The following CRTC2 variants were observed in gnomAD, a reference collection of about 807,000 sequenced individuals.
The protein encoded by CRTC2 is CREB-regulated transcription coactivator 2.
Under a neutral mutation model 70.9 loss-of-function variants are expected in CRTC2, and 25 were observed. That is an observed-to-expected ratio of 0.35 (90% CI 0.26 to 0.49). The LOEUF is 0.49. CRTC2 is among the 20% of genes least tolerant of loss of function. CRTC2 has a pLI of 0.98. For synonymous variants in CRTC2, 330 were observed against 364.1 expected (o/e 0.91, Z 1.07); for missense variants, 737 against 882.6 (o/e 0.83, Z 2.09).
intron 6 of CRTC2, 77 bp from the exon 7 acceptor site, chr1:153,952,911 T>C (rs1680433566): frequency 2.6e-6 from 4 of 1,553,736 alleles, no homozygotes; most frequent in Admixed American, 3.3e-5. Context: ...AGGCCGGGTA[T>C]GGTGGCTCAT....
chr1:153,949,472 A>G, intron 11 of CRTC2, 88 bp from the exon 12 acceptor site: 1 of 1,380,152 alleles, frequency 7.2e-7, no homozygotes, highest in East Asian at 2.4e-5. Context: ...TTTAGCTACA[A>G]CCATTCCCAA....
chr1:153,956,889 G>A (rs12117078), intron 1 of CRTC2, among the ~76,000 whole-genome samples: 3 of 152,008 alleles, frequency 2.0e-5, no homozygotes, highest in Non-Finnish European at 4.4e-5. Context: ...TTTGAGTTTC[G>A]CACAGCCTTT....
chr1:153,947,980 G>T lies in CRTC2; in HGVS notation c.*129C>A. 4.2e-6 allele frequency: 4 copies of T among 949,154 alleles called. No individual in the cohort carries two copies. The highest frequency in any genetic ancestry group is 6.5e-6 in the Non-Finnish European group (4 of 617,548). 58.8% of individuals were successfully genotyped at this position (949,154 alleles called of 1,614,324 possible). ...AAACCCCTTGCTTTTTCTCATTCTT[G>T]GCATCCTTCATTCATGCTAGAAAGA... On this transcript the variant is annotated 3_prime_UTR_variant, in exon 14 of 14. Coordinates refer to ENST00000368633, the MANE Select transcript of CRTC2 (RefSeq NM_181715.3).
chr1:153,958,285 C>T, intron 1 of CRTC2, 60 bp downstream of exon 1: 2 of 1,567,610 alleles, frequency 1.3e-6, no homozygotes, highest in Non-Finnish European at 1.7e-6. Flanking sequence ...CGCCCCGCCT[C>T]TCCGGTCTCC....
At chr1:153,949,024 CCATT>C (rs1680178649) in intron 12 of CRTC2, 87 bp downstream of exon 12, 1 of 1,396,446 alleles carries the variant, frequency 7.2e-7, no homozygotes. Context: ...CTAGATCTCC[CCATT>C]CACAGTGCAC....
intron 12 of CRTC2, 92 bp from the exon 13 acceptor site, chr1:153,948,736 T>A (rs1680159389): frequency 7.2e-7 from 1 of 1,396,844 alleles, no homozygotes; most frequent in Admixed American, 1.8e-5. Flanking sequence ...CCAGCAACCT[T>A]CATCCACCCC....
chr1:153,954,722 C>G (rs567836203), intron 3 of CRTC2, 151 bp downstream of exon 3: 1 of 682,086 alleles, frequency 1.5e-6, no homozygotes, highest in East Asian at 2.7e-5. Context: ...GGTGCTGACG[C>G]AGGGGCTATG....
chr1:153,956,624 G>A (rs1318735064), intron 1 of CRTC2, among the ~76,000 whole-genome samples: 1 of 152,028 alleles, frequency 6.6e-6, no homozygotes, highest in Non-Finnish European at 1.5e-5. Context: ...GACCACTTGA[G>A]GTCTCATATA....
intron 4 of CRTC2, among the ~76,000 whole-genome samples, chr1:153,953,827 G>C (rs537206507): frequency 1.2e-4 from 19 of 152,294 alleles, no homozygotes; most frequent in Non-Finnish European, 1.8e-4. Flanking sequence ...AGCTGAATGG[G>C]AATCTTGGAG....
intron 11 of CRTC2, 127 bp downstream of exon 11, chr1:153,951,133 G>T (rs1021116053): frequency 9.9e-7 from 1 of 1,013,004 alleles, no homozygotes; most frequent in Non-Finnish European, 1.5e-6. Flanking sequence ...TGGGGCAGGC[G>T]GAGGACAGAG....
intron 2 of CRTC2, 28 bp from the exon 3 acceptor site, chr1:153,955,017 G>C: frequency 6.2e-7 from 1 of 1,613,176 alleles, no homozygotes; most frequent in Non-Finnish European, 8.5e-7. Flanking sequence ...AGTCAGCAGA[G>C]GAAGCAGCCT....
At chr1:153,958,043 T>C (rs1310102489) in intron 1 of CRTC2, 4 of 1,282,630 alleles carry the variant, frequency 3.1e-6, no homozygotes, top group South Asian at 1.7e-5. Flanking sequence ...CCGTCAGGGA[T>C]GCACAAGGAC....
chr1:153,954,964 G>T lies in CRTC2; in HGVS notation c.281C>A (p.Ser94Ter). 6.2e-7 allele frequency: 1 copy of T among 1,613,962 alleles called. No homozygotes were observed. The highest frequency in any genetic ancestry group is 8.5e-7 in the Non-Finnish European group (1 of 1,179,816). ...CCCATGGTGCCGAGTGCTCCGAGAT[G>T]AATCCAAAGGTGAGTGGAGGGGGCT... ...FQSPLHSPLD[S>*]SRSTRHHGLV... Residue 94 changes from serine (S) to a stop codon, truncating the protein, a stop_gained, in exon 3 of 14, where the codon TCA becomes TAA. Coordinates refer to ENST00000368633, the MANE Select transcript of CRTC2 (RefSeq NM_181715.3). LOFTEE classifies it high-confidence loss of function.
chr1:153,949,525 G>C (rs768056579), intron 11 of CRTC2, 141 bp from the exon 12 acceptor site: 25 of 903,878 alleles, frequency 2.8e-5, no homozygotes, highest in Non-Finnish European at 4.1e-5. Context: ...GCATCCCTGG[G>C]GTTGAGTGCA....
At position 153,958,456 on chromosome 1, in the gene CRTC2, G is replaced by A. The variant is rs146574814; in HGVS notation, c.42C>T (p.Ala14=). 176 of 1,613,172 alleles carry A rather than the reference G, an allele frequency of 1.1e-4. No individual in the cohort carries two copies. The highest frequency in any genetic ancestry group is 1.4e-4 in the Non-Finnish European group (168 of 1,179,728). ...TAAATTTGCGCGGATTGGAAGCCGA[G>A]GCCGTGGCCGAACCAGGCCCGTTCG... ...SGANGPGSAT[A]SASNPRKFSE... is the part of the protein sequence containing the mutation. Residue 14 remains alanine, a synonymous_variant, in exon 1 of 14, where the codon GCC becomes GCT. Transcript: ENST00000368633.
Position 153,948,647 on chromosome 1 carries a change from A to G in CRTC2, c.1675-3T>C, listed in dbSNP as rs367671975. The G allele has an allele frequency of 4.7e-5, 74 of 1,576,668 alleles. No homozygotes were observed. The African/African-American group carries it at 9.3e-4, about 20-fold the overall frequency. On this transcript the variant is annotated splice_polypyrimidine_tract_variant and splice_region_variant and intron_variant, in intron 12 of 13. Transcript: ENST00000368633. ...CTCTCCATGCTGAACTGCTCCAGCT[A>G]TAGACATACAGACAAATCTTTAGGA...
In CRTC2 at chr1:153,952,794, G is replaced by A; in HGVS notation, c.637+11C>T. ...TGGCATTCAGTACCCACAGCAGTGA[G>A]GAACACATACCTTTGGGGTCCATTT... On this transcript the variant is annotated intron_variant, in intron 7 of 13. Coordinates refer to ENST00000368633, the MANE Select transcript of CRTC2 (RefSeq NM_181715.3). 1 of 1,614,206 alleles carries A rather than the reference G, an allele frequency of 6.2e-7. No individual in the cohort carries two copies. The highest frequency in any genetic ancestry group is 8.5e-7 in the Non-Finnish European group (1 of 1,180,010).
chr1:153,951,121 G>T (rs1171783469), intron 11 of CRTC2, 139 bp downstream of exon 11: 8 of 947,640 alleles, frequency 8.4e-6, no homozygotes, highest in Non-Finnish European at 1.1e-5. Flanking sequence ...ATGGATAAAA[G>T]ATGGGGCAGG....
At chr1:153,953,502 T>G (rs775011852) in intron 5 of CRTC2, 36 bp downstream of exon 5, 1 of 1,592,212 alleles carries the variant, frequency 6.3e-7, no homozygotes, top group Non-Finnish European at 8.6e-7. Flanking sequence ...AAACTACAGA[T>G]AAGAGATCTG....
Sources: gnomAD v4.1 joint callset for allele counts (sites outside exome capture counted in the v4.1 genomes callset) on GRCh38, gnomAD v4.1.1 for gene constraint, MANE v1.5 for transcripts, NCBI Gene and HGNC (gene_info 2026-07-23, HGNC 2026-07-21) for gene names.